Variants in GATAD2B observed in about 807,000 individuals in gnomAD.
GATAD2B encodes transcriptional repressor p66-beta.
In GATAD2B, 8 loss-of-function variants were observed where a neutral mutation model predicts 64.3. That is an observed-to-expected ratio of 0.12 (90% CI 0.07 to 0.22). GATAD2B has a LOEUF of 0.22. Ranked by LOEUF, GATAD2B falls within the 10% of genes least tolerant of loss-of-function variation. The pLI, the probability that GATAD2B is intolerant of heterozygous loss-of-function variation, is 1.00. For missense variants in GATAD2B, 453 were observed against 752.0 expected, an observed-to-expected ratio of 0.60 and a Z score of 4.65; for synonymous variants, 281 against 271.3, an observed-to-expected ratio of 1.04 and a Z score of -0.35.
chr1:153,842,951 A>AG (rs1675548909), intron 1 of GATAD2B, among the ~76,000 whole-genome samples: 1 of 127,920 alleles, frequency 7.8e-6, no homozygotes, highest in African/African-American at 2.9e-5. Context: ...CACCTCGCCC[A>AG]GCCTTTTTTT....
At chr1:153,870,385 C>A (rs1157791369) in intron 1 of GATAD2B, among the ~76,000 whole-genome samples, 3 of 152,126 alleles carry the variant, frequency 2.0e-5, no homozygotes, top group Non-Finnish European at 4.4e-5. Context: ...TCCTGGCTAA[C>A]ACAGTGAAAC....
chr1:153,872,136 G>T (rs1036628818), intron 1 of GATAD2B, among the ~76,000 whole-genome samples: 2 of 151,634 alleles, frequency 1.3e-5, no homozygotes, highest in Non-Finnish European at 2.9e-5. Flanking sequence ...TGAACAACAT[G>T]GTGAAACCCC....
At chr1:153,845,244 T>G (rs1675641700) in intron 1 of GATAD2B, among the ~76,000 whole-genome samples, 1 of 151,998 alleles carries the variant, frequency 6.6e-6, no homozygotes, top group Non-Finnish European at 1.5e-5. Flanking sequence ...CACCCTAATA[T>G]TTACGGTCAA....
At chr1:153,917,399 C>T (rs1557836544) in intron 1 of GATAD2B, among the ~76,000 whole-genome samples, 3 of 119,744 alleles carry the variant, frequency 2.5e-5, no homozygotes, top group Non-Finnish European at 5.3e-5. Flanking sequence ...CCCCACATAT[C>T]TTTTTTTTTT....
At chr1:153,811,886 T>C in intron 9 of GATAD2B, 38 bp from the exon 10 acceptor site, 1 of 1,419,652 alleles carries the variant, frequency 7.0e-7, no homozygotes, top group Non-Finnish European at 9.9e-7. Flanking sequence ...AACTTTGATA[T>C]GATAGAATGT....
chr1:153,852,738 G>C, intron 1 of GATAD2B: 1 of 916,128 alleles, frequency 1.1e-6, no homozygotes, highest in Non-Finnish European at 1.8e-6. Flanking sequence ...TGGTAGACAG[G>C]GAGTGAAGCT....
intron 1 of GATAD2B, among the ~76,000 whole-genome samples, chr1:153,867,937 G>A (rs1201099053): frequency 2.0e-5 from 3 of 151,906 alleles, no homozygotes; most frequent in East Asian, 1.9e-4. Context: ...AGTGGCTCAC[G>A]CCTATAATCC....
Position 153,819,744 on chromosome 1 carries a change from G to A in GATAD2B, c.336-9C>T, listed in dbSNP as rs774858817. The A allele has an allele frequency of 2.5e-6, 4 of 1,578,078 alleles. No homozygotes were observed. Among genetic ancestry groups the A allele is most frequent in the Admixed American group, 4.0e-5 (2 of 49,744 alleles). On this transcript the variant is annotated splice_polypyrimidine_tract_variant and intron_variant, in intron 2 of 10. Transcript: ENST00000368655. ...TTCCTCGCTCTGGCTCACTAGACAA[G>A]AAAGGGAAAAAATAAGCTATTTCCA...
intron 1 of GATAD2B, among the ~76,000 whole-genome samples, chr1:153,841,240 C>T (rs1487929455): frequency 6.6e-6 from 1 of 151,880 alleles, no homozygotes; most frequent in African/African-American, 2.4e-5. Flanking sequence ...AGTACCATAT[C>T]ACCAGCAGGA....
chr1:153,872,138 T>C (rs1224829103), intron 1 of GATAD2B, among the ~76,000 whole-genome samples: 2 of 151,544 alleles, frequency 1.3e-5, no homozygotes, highest in Non-Finnish European at 2.9e-5. Flanking sequence ...AACAACATGG[T>C]GAAACCCCAT....
Position 153,902,191 on chromosome 1 carries a change from G to A in GATAD2B, c.-2+20542C>T, listed in dbSNP as rs12021989. Among the ~76,000 whole-genome samples, 1,905 of 152,160 alleles carry A rather than the reference G, an allele frequency of 0.013. 312 individuals are homozygous for A. In the East Asian group the frequency reaches 0.33, roughly 26 times the overall value. On this transcript the variant is annotated intron_variant, in intron 1 of 10. Transcript: ENST00000368655. ...GCTACTCAGCAAGGCTGAGGCAGGA[G>A]AATCACTTGAACCCAGGAGGCGGAG...
At chr1:153,870,822 T>C (rs569518572) in intron 1 of GATAD2B, among the ~76,000 whole-genome samples, 6 of 152,340 alleles carry the variant, frequency 3.9e-5, no homozygotes, top group African/African-American at 1.4e-4. Flanking sequence ...GAAACACTTC[T>C]GGTTTCAGGC....
rs1293484417 is a variant in GATAD2B at position 153,817,363 on chromosome 1, C to T, written c.900+9G>A. On this transcript the variant is annotated intron_variant, in intron 6 of 10. Coordinates refer to ENST00000368655, the MANE Select transcript of GATAD2B (RefSeq NM_020699.4). Reference sequence around the variant, plus strand: ...TCTGTTTCCACATTAGGGCTCAGCTCTCTCTTACCGGTTGATAATTGATGG... The same window carrying T: ...TCTGTTTCCACATTAGGGCTCAGCTTTCTCTTACCGGTTGATAATTGATGG... 1 of 1,538,412 alleles carries T rather than the reference C, an allele frequency of 6.5e-7. No individual in the cohort carries two copies. Among genetic ancestry groups the T allele is most frequent in the Non-Finnish European group, 8.7e-7 (1 of 1,143,502 alleles).
intron 1 of GATAD2B, among the ~76,000 whole-genome samples, chr1:153,881,265 G>A (rs1677002398): frequency 1.3e-5 from 2 of 152,282 alleles, no homozygotes; most frequent in South Asian, 4.1e-4. Flanking sequence ...GAAAAGGGGA[G>A]GGGTAGAGAG....
At position 153,816,039 on chromosome 1, in the gene GATAD2B, C is replaced by T. The variant is rs1047259754; in HGVS notation, c.1216+234G>A. On this transcript the variant is annotated intron_variant, in intron 7 of 10. Coordinates refer to ENST00000368655, the MANE Select transcript of GATAD2B (RefSeq NM_020699.4). The surrounding 1 kb of genome is among the most constrained non-coding windows in gnomAD (Gnocchi z 4.9). ...CTGCACTCCAGCCTGGGCAACAGAG[C>T]GAGACTGCATCTCAAACAAAACACA... Among the ~76,000 whole-genome samples the T allele has an allele frequency of 3.7e-5, 5 of 136,568 alleles. No individual in the cohort carries two copies. The highest frequency in any genetic ancestry group is 2.5e-4 in the South Asian group (1 of 3,974). 89.6% of individuals were successfully genotyped at this position (136,568 alleles called of 152,430 possible).
At chr1:153,866,166 T>G (rs1252250334) in intron 1 of GATAD2B, among the ~76,000 whole-genome samples, 1 of 138,710 alleles carries the variant, frequency 7.2e-6, no homozygotes, top group Non-Finnish European at 1.5e-5. Flanking sequence ...ATGGTGCCAC[T>G]GCACTCCAGC....
At chr1:153,835,723 T>C (rs1675238126) in intron 1 of GATAD2B, among the ~76,000 whole-genome samples, 1 of 152,104 alleles carries the variant, frequency 6.6e-6, no homozygotes, top group Admixed American at 6.6e-5. Flanking sequence ...TTTATTTTAT[T>C]ATTATTATTA....
chr1:153,826,150 C>T (rs1674870356), intron 2 of GATAD2B, among the ~76,000 whole-genome samples: 1 of 152,084 alleles, frequency 6.6e-6, no homozygotes, highest in South Asian at 2.1e-4. Flanking sequence ...ACTACAGGCA[C>T]CTGCCACCAT....
chr1:153,915,237 C>G (rs938289305), intron 1 of GATAD2B, among the ~76,000 whole-genome samples: 4 of 152,084 alleles, frequency 2.6e-5, no homozygotes, highest in Non-Finnish European at 5.9e-5. Context: ...CCAGCCTGGC[C>G]AACGTGGTGA....
Sources: gnomAD v4.1 joint callset for allele counts (sites outside exome capture counted in the v4.1 genomes callset) on GRCh38, gnomAD v4.1.1 for gene constraint, Gnocchi (gnomAD v3.1) non-coding constraint, MANE v1.5 for transcripts, NCBI Gene and HGNC (gene_info 2026-07-23, HGNC 2026-07-21) for gene names.